The following ATP13A3 variants were observed in gnomAD, a reference collection of about 807,000 sequenced individuals.
ATP13A3 encodes the protein ATPase 13A3, also known as polyamine-transporting ATPase 13A3.
A neutral mutation model predicts 158.1 loss-of-function variants in ATP13A3; 59 were observed. The observed-to-expected ratio is 0.37, with a 90% confidence interval of 0.30 to 0.46. The LOEUF (loss-of-function observed/expected upper bound fraction) is 0.46. ATP13A3 is among the 20% of genes least tolerant of loss of function. The pLI is 1.00. For synonymous variants in ATP13A3, 491 were observed against 504.3 expected (o/e 0.97, Z 0.35); for missense variants, 1,166 against 1,525.2 (o/e 0.76, Z 3.92).
At chr3:194,453,588 C>A (rs1172065784) in intron 10 of ATP13A3, 118 bp downstream of exon 10, 4 of 794,288 alleles carry the variant, frequency 5.0e-6, no homozygotes, top group Non-Finnish European at 8.1e-6. Context: ...GACAGAGACA[C>A]TGACTCAATC....
At chr3:194,477,826 A>C (rs1720591564) in intron 2 of ATP13A3, among the ~76,000 whole-genome samples, 2 of 152,206 alleles carry the variant, frequency 1.3e-5, no homozygotes, top group Non-Finnish European at 1.5e-5. Flanking sequence ...AGCTGCAGTG[A>C]GTGCTACAGG....
intron 20 of ATP13A3, among the ~76,000 whole-genome samples, chr3:194,436,215 T>C: frequency 6.6e-6 from 1 of 152,152 alleles, no homozygotes; most frequent in Non-Finnish European, 1.5e-5. Context: ...CCTTTCTGCT[T>C]ACAAAATGCT....
At chr3:194,434,957 C>T (rs1717515305) in intron 20 of ATP13A3, among the ~76,000 whole-genome samples, 1 of 152,112 alleles carries the variant, frequency 6.6e-6, no homozygotes, top group Admixed American at 6.5e-5. Context: ...AAACAAAAAA[C>T]ACCTCAACCT....
At chr3:194,460,144 A>T (rs1256589255) in intron 4 of ATP13A3, among the ~76,000 whole-genome samples, 173 bp from the exon 5 acceptor site, 4 of 152,216 alleles carry the variant, frequency 2.6e-5, no homozygotes, top group African/African-American at 9.6e-5. Context: ...ATTCAAACAT[A>T]AGGTGCTTTC....
At position 194,405,679 on chromosome 3, in the gene ATP13A3, TGTAATATTTGGGTTGCTGAATG is replaced by T. The variant is rs1714882226; in HGVS notation, c.*218_*239del. ...CAATCAAGAAAATTCTGGAAATGTA[TGTAATATTTGGGTTGCTGAATG>T]AAGATATAGGACTTTATGGATTGAT... On this transcript the variant is annotated 3_prime_UTR_variant, in exon 34 of 34. Transcript: ENST00000645319. 1 of 430,402 alleles carries T rather than the reference TGTAATATTTGGGTTGCTGAATG, an allele frequency of 2.3e-6. No individual in the cohort carries two copies. The highest frequency in any genetic ancestry group is 3.9e-5 in the Admixed American group (1 of 25,604). 26.7% of individuals were successfully genotyped at this position (430,402 alleles called of 1,614,324 possible).
At chr3:194,456,000 T>C in intron 7 of ATP13A3, 38 bp from the exon 8 acceptor site, 1 of 1,268,346 alleles carries the variant, frequency 7.9e-7, no homozygotes, top group Non-Finnish European at 1.1e-6. Context: ...TTACATTATA[T>C]CATAATAGTA....
chr3:194,448,619 T>C lies in ATP13A3; in HGVS notation c.988A>G (p.Thr330Ala), dbSNP rs1295481405. 1 of 1,611,760 alleles carries C rather than the reference T, an allele frequency of 6.2e-7. No individual in the cohort carries two copies. Among genetic ancestry groups the C allele is most frequent in the African/African-American group, 1.3e-5 (1 of 74,966 alleles). The change falls in exon 12 of 34, where the codon ACA becomes GCA. Residue 330 changes from threonine to alanine, a missense_variant. Thr to Ala is a moderately conservative substitution (Grantham distance 58). Around this residue, in one of 3 missense-constraint regions of ATP13A3, gnomAD observed 997 missense variants for 1,341.2 expected, o/e 0.74. Transcript: ENST00000645319. The surrounding 1 kb of genome is among the most constrained non-coding windows in gnomAD (Gnocchi z 4.0). ...SMLTGESVPV[T>A]KTNLPNPSVD... ...GAAGGATTTGGCAAATTAGTCTTTG[T>C]CACTGGAACACTTTCTCCTTTAAAA...
At chr3:194,449,044 T>TACACAC (rs146993933) in intron 11 of ATP13A3, among the ~76,000 whole-genome samples, 52 of 134,984 alleles carry the variant, frequency 3.9e-4, no homozygotes, top group Non-Finnish European at 5.4e-4. Flanking sequence ...GATCCACCCC[T>TACACAC]ACACACACAC....
At chr3:194,409,252 G>A (rs1369638480) in intron 33 of ATP13A3, among the ~76,000 whole-genome samples, 2 of 152,168 alleles carry the variant, frequency 1.3e-5, no homozygotes, top group African/African-American at 4.8e-5. Flanking sequence ...ATGTTATAAT[G>A]GCGCTGTGGT....
At chr3:194,483,364 C>A (rs1720833659) in intron 2 of ATP13A3, among the ~76,000 whole-genome samples, 1 of 148,636 alleles carries the variant, frequency 6.7e-6, no homozygotes, top group African/African-American at 2.5e-5. Flanking sequence ...CCAAGGCAGG[C>A]AGACTGCTTC....
At chr3:194,464,642 C>T (rs1040152569) in intron 2 of ATP13A3, among the ~76,000 whole-genome samples, 3 of 152,160 alleles carry the variant, frequency 2.0e-5, no homozygotes, top group African/African-American at 7.2e-5. Flanking sequence ...AACCAAAGAC[C>T]TTTTGCTCTG....
intron 29 of ATP13A3, among the ~76,000 whole-genome samples, chr3:194,426,299 GAAAT>G (rs1211546089): frequency 2.6e-5 from 4 of 151,974 alleles, no homozygotes; most frequent in East Asian, 1.9e-4. Context: ...AAGCAAACTA[GAAAT>G]AAATGTTTAC....
At chr3:194,406,185 T>A in intron 33 of ATP13A3, 69 bp from the exon 34 acceptor site, 1 of 1,490,996 alleles carries the variant, frequency 6.7e-7, no homozygotes, top group Non-Finnish European at 9.2e-7. Flanking sequence ...TTAAACAGGT[T>A]TGTTAAAGCA....
intron 2 of ATP13A3, among the ~76,000 whole-genome samples, chr3:194,466,366 C>T (rs940090898): frequency 1.3e-5 from 2 of 151,878 alleles, no homozygotes; most frequent in East Asian, 1.9e-4. Context: ...TGAAAGAAAA[C>T]GGGGAGGAGA....
rs569729638 is a variant in ATP13A3, at chr3:194,469,063, G to A, written c.-46-6827C>T. ...GCAGGAGAATCGTTTGAACCTGGAG[G>A]TGGAGGTTGCAGTAAGCCAAGACTG... On this transcript the variant is annotated intron_variant, in intron 2 of 33. Coordinates refer to ENST00000645319, the MANE Select transcript of ATP13A3 (RefSeq NM_001367549.1). Among the ~76,000 whole-genome samples the A allele has an allele frequency of 8.6e-5, 13 of 151,908 alleles. No homozygotes were observed. The South Asian group carries it at 2.7e-3, about 32-fold the overall frequency.
intron 15 of ATP13A3, among the ~76,000 whole-genome samples, chr3:194,443,265 GGGCAGGGGAGTGGTTAAAA>G (rs1369275686): frequency 2.0e-5 from 3 of 152,140 alleles, no homozygotes; most frequent in Admixed American, 2.0e-4. Context: ...TTGTTTTGGG[GGGCAGGGGAGTGGTTAAAA>G]GGCAGTATTA....
rs1364067557 is a variant in ATP13A3 at position 194,405,245 on chromosome 3, G to A, written c.*674C>T. On this transcript the variant is annotated 3_prime_UTR_variant, in exon 34 of 34. Transcript: ENST00000645319. ...CTTTGAGAGGCGTCTCAAGAAGGCAGTGAAGCACCTTGCTGATTAGAAAAA... is the reference window on the plus strand; with the variant it reads ...CTTTGAGAGGCGTCTCAAGAAGGCAATGAAGCACCTTGCTGATTAGAAAAA... 3 of 152,280 alleles carry A rather than the reference G, an allele frequency of 2.0e-5. No homozygotes were observed. Among genetic ancestry groups the A allele is most frequent in the Non-Finnish European group, 2.9e-5 (2 of 68,094 alleles). 9.4% of individuals were successfully genotyped at this position (152,280 alleles called of 1,614,324 possible).
intron 17 of ATP13A3, 68 bp downstream of exon 17, chr3:194,438,788 T>C (rs1450768623): frequency 2.7e-6 from 3 of 1,097,522 alleles, no homozygotes; most frequent in African/African-American, 3.3e-5. Flanking sequence ...AAAATAAAAA[T>C]TGAAAAAAAT....
chr3:194,454,078 T>C (rs539475781), intron 9 of ATP13A3, among the ~76,000 whole-genome samples, 180 bp downstream of exon 9: 1 of 152,200 alleles, frequency 6.6e-6, no homozygotes, highest in African/African-American at 2.4e-5. Context: ...GCACCTGCTA[T>C]CCCCAACCTC....
Sources: gnomAD v4.1 joint callset for allele counts (sites outside exome capture counted in the v4.1 genomes callset) on GRCh38, gnomAD v4.1.1 for gene constraint, gnomAD v4.1.1 regional missense constraint, Gnocchi (gnomAD v3.1) non-coding constraint, MANE v1.5 for transcripts, NCBI Gene and HGNC (gene_info 2026-07-23, HGNC 2026-07-21) for gene names.